Variants in TEX9 observed in about 807,000 individuals in gnomAD.
TEX9 encodes testis-expressed protein 9.
In TEX9, 74 loss-of-function variants were observed where a neutral mutation model predicts 59.6. The ratio of observed to expected loss-of-function variants is 1.24; its 90% CI spans 1.03 to 1.51. TEX9 has a LOEUF of 1.51. Ranked by LOEUF, TEX9 falls within the 40% of genes most tolerant of loss-of-function variation. The pLI is 0.00. For missense variants in TEX9, 522 were observed against 447.8 expected, an observed-to-expected ratio of 1.17 and a Z score of -1.49; for synonymous variants, 186 against 152.2, an observed-to-expected ratio of 1.22 and a Z score of -1.64.
At chr15:56,267,186 C>A (rs189119953) in intron 1 of TEX9, among the ~76,000 whole-genome samples, 1 of 152,180 alleles carries the variant, frequency 6.6e-6, no homozygotes, top group African/African-American at 2.4e-5. Context: ...TGATTTTCTT[C>A]CTGTAAATTT....
chr15:56,306,774 G>C (rs187762129), intron 1 of TEX9, among the ~76,000 whole-genome samples: 83 of 152,234 alleles, frequency 5.5e-4, no homozygotes, highest in Non-Finnish European at 9.1e-4. Flanking sequence ...GTAACATAAA[G>C]GATAAATGCT....
At chr15:56,302,320 T>TACACACACACACACACAC (rs56766153) in intron 1 of TEX9, among the ~76,000 whole-genome samples, 2 of 135,706 alleles carry the variant, frequency 1.5e-5, no homozygotes, top group Non-Finnish European at 3.1e-5. Context: ...AGACACTGTT[T>TACACACACACACACACAC]ACACACACAC....
chr15:56,394,557 C>A, intron 8 of TEX9, 104 bp from the exon 9 acceptor site: 1 of 851,934 alleles, frequency 1.2e-6, no homozygotes, highest in Non-Finnish European at 1.8e-6. Flanking sequence ...TTTCATGAAA[C>A]GTGTATAAAT....
Position 56,301,124 on chromosome 15 carries a change from G to A in TEX9, c.-107+56846G>A, listed in dbSNP as rs185787637. Among the ~76,000 whole-genome samples, 614 of 152,206 alleles carry A rather than the reference G, an allele frequency of 4.0e-3. 2 individuals are homozygous for A. The highest frequency in any genetic ancestry group is 7.2e-3 in the Non-Finnish European group (488 of 68,024). ...ATGAAATTTAAGATAATACAGAGAA[G>A]GAATTCAGAATTCCGTCAGGTTAAT... On this transcript the variant is annotated intron_variant, in intron 1 of 5. Coordinates refer to the TEX9 transcript ENST00000560827.
chr15:56,394,637 T>C (rs1202393235), intron 8 of TEX9, 24 bp from the exon 9 acceptor site: 1 of 1,460,002 alleles, frequency 6.8e-7, no homozygotes, highest in East Asian at 2.3e-5. Context: ...TTTTTTCACA[T>C]AATCTATAAC....
At chr15:56,303,542 G>A (rs745361362) in intron 1 of TEX9, among the ~76,000 whole-genome samples, 8 of 151,958 alleles carry the variant, frequency 5.3e-5, no homozygotes, top group African/African-American at 1.2e-4. Flanking sequence ...AGCAAAATAC[G>A]TACTAAGACC....
chr15:56,394,434 T>C lies in TEX9; in HGVS notation c.654+187T>C. The stretch of plus-strand genomic sequence containing the variant: ...TTTCACAGAGCTGAAATATCTTAAA[T>C]TCTTGCTACAATTAGAATTCTCTAT... On this transcript the variant is annotated intron_variant, in intron 8 of 12. Coordinates refer to ENST00000352903, the Ensembl canonical transcript of TEX9. 4 of 630,374 alleles carry C rather than the reference T, an allele frequency of 6.3e-6. No individual in the cohort carries two copies. In the South Asian group the frequency reaches 9.8e-5, roughly 15 times the overall value. 39.0% of individuals were successfully genotyped at this position (630,374 alleles called of 1,614,324 possible).
chr15:56,348,695 G>A (rs77643697), intron 1 of TEX9, among the ~76,000 whole-genome samples: 6,686 of 152,020 alleles, frequency 0.044, 225 homozygotes, highest in Admixed American at 0.086. Context: ...TCAGAAATAC[G>A]ACTATGGCAT....
At chr15:56,395,938 TG>T (rs1386935949) in intron 9 of TEX9, 1 of 152,200 alleles carries the variant, frequency 6.6e-6, no homozygotes. Flanking sequence ...ACTTTCTTTA[TG>T]GTACTCTAAA....
At chr15:56,328,818 C>T (rs1234020813) in intron 1 of TEX9, among the ~76,000 whole-genome samples, 1 of 152,168 alleles carries the variant, frequency 6.6e-6, no homozygotes, top group Non-Finnish European at 1.5e-5. Context: ...CAGGCCCTGA[C>T]TCCTGTATGG....
At chr15:56,301,342 T>C (rs781579123) in intron 1 of TEX9, among the ~76,000 whole-genome samples, 1 of 151,664 alleles carries the variant, frequency 6.6e-6, no homozygotes, top group Non-Finnish European at 1.5e-5. Context: ...ATCTAGAAAA[T>C]AGGCTCAAAA....
At chr15:56,305,494 G>A (rs779471669) in intron 1 of TEX9, among the ~76,000 whole-genome samples, 1 of 152,068 alleles carries the variant, frequency 6.6e-6, no homozygotes, top group Non-Finnish European at 1.5e-5. Flanking sequence ...ACTCATTTTT[G>A]ACAAAAATGC....
chr15:56,354,394 A>G (rs1028712463), intron 1 of TEX9, among the ~76,000 whole-genome samples: 2 of 152,182 alleles, frequency 1.3e-5, no homozygotes, highest in South Asian at 2.1e-4. Context: ...CACCAACACT[A>G]GGTTTCTAGA....
intron 1 of TEX9, among the ~76,000 whole-genome samples, chr15:56,332,741 G>T (rs1272378782): frequency 7.9e-5 from 12 of 151,724 alleles, no homozygotes; most frequent in African/African-American, 2.4e-4. Flanking sequence ...CAAAAAATTG[G>T]TTTTTGAAAA....
intron 1 of TEX9, among the ~76,000 whole-genome samples, chr15:56,262,788 T>C (rs528463271): frequency 6.6e-6 from 1 of 152,342 alleles, no homozygotes; most frequent in East Asian, 1.9e-4. Context: ...TAGGTTACTA[T>C]GGACATAAAA....
chr15:56,424,022 C>T (rs989100676), intron 10 of TEX9, among the ~76,000 whole-genome samples: 5 of 152,066 alleles, frequency 3.3e-5, no homozygotes, highest in African/African-American at 9.7e-5. Flanking sequence ...TAATGTTGTT[C>T]AAGTCCCTTA....
chr15:56,418,512 G>A (rs551587850), intron 10 of TEX9, among the ~76,000 whole-genome samples: 3 of 150,876 alleles, frequency 2.0e-5, no homozygotes, highest in Non-Finnish European at 4.4e-5. Flanking sequence ...TTAGCTGGGC[G>A]TGGTGGTGGG....
At chr15:56,362,648 T>C (rs556989525), upstream of TEX9, among the ~76,000 whole-genome samples, 14 of 152,328 alleles carry the variant, frequency 9.2e-5, no homozygotes, top group South Asian at 1.0e-3. Flanking sequence ...ATCAACACAA[T>C]TGATTTTAGA....
intron 1 of TEX9, among the ~76,000 whole-genome samples, chr15:56,340,948 G>T (rs537370893): frequency 6.6e-6 from 1 of 151,756 alleles, no homozygotes; most frequent in Non-Finnish European, 1.5e-5. Context: ...TAGGGTTCGG[G>T]CACACCTGGG....
Sources: gnomAD v4.1 joint callset for allele counts (sites outside exome capture counted in the v4.1 genomes callset) on GRCh38, gnomAD v4.1.1 for gene constraint, MANE v1.5 for transcripts, NCBI Gene and HGNC (gene_info 2026-07-23, HGNC 2026-07-21) for gene names.